The following CFAP70 variants were observed in gnomAD, a reference collection of about 807,000 sequenced individuals.
CFAP70 encodes the protein cilia- and flagella-associated protein 70.
A neutral mutation model predicts 137.6 loss-of-function variants in CFAP70; 81 were observed. The ratio of observed to expected loss-of-function variants is 0.59; its 90% CI spans 0.49 to 0.71. The LOEUF is 0.71. Ranked by LOEUF, CFAP70 falls within the 30% of genes least tolerant of loss-of-function variation. The pLI is 0.00. For synonymous variants in CFAP70, 382 were observed against 423.6 expected, an observed-to-expected ratio of 0.90 and a Z score of 1.20; for missense variants, 976 against 1,226.7, an observed-to-expected ratio of 0.80 and a Z score of 3.05.
intron 12 of CFAP70, among the ~76,000 whole-genome samples, chr10:73,308,325 A>T (rs1469590636): frequency 6.6e-6 from 1 of 151,828 alleles, no homozygotes; most frequent in Non-Finnish European, 1.5e-5. Context: ...AGGATCAATA[A>T]ACTTTAAAAG....
Position 73,257,986 on chromosome 10 carries a change from G to A in CFAP70, c.3028-1570C>T, listed in dbSNP as rs1419307946. 3.3e-5 allele frequency among the ~76,000 whole-genome samples: 5 copies of A among 149,800 alleles called. No homozygotes were observed. In the South Asian group the frequency reaches 8.4e-4, roughly 25 times the overall value. On this transcript the variant is annotated intron_variant, in intron 25 of 26. Coordinates refer to ENST00000310715, the Ensembl canonical transcript of CFAP70. Reference sequence around the variant, plus strand: ...CTCAGCACTGCAACCTCCACCCCCTGGGTTCAAGCGATTCTCCTGCCTCAG... The same window carrying A: ...CTCAGCACTGCAACCTCCACCCCCTAGGTTCAAGCGATTCTCCTGCCTCAG...
intron 1 of CFAP70, among the ~76,000 whole-genome samples, chr10:73,358,526 C>T (rs946422113): frequency 1.3e-5 from 2 of 152,218 alleles, no homozygotes; most frequent in Non-Finnish European, 2.9e-5. Flanking sequence ...GTGGAGGTCG[C>T]CGGGCTGGGG....
rs1227482928 is a variant in CFAP70, at chr10:73,345,108, C to T, written c.356G>A (p.Gly119Glu). Residue 119 changes from glycine (G) to glutamate (E), a missense_variant, in exon 5 of 27, where the codon GGG becomes GAG. Physicochemically the swap from Gly to Glu is moderately conservative, Grantham distance 98 (BLOSUM62 -2). Coordinates refer to ENST00000310715, the Ensembl canonical transcript of CFAP70. ...TTGCAGACCGACCATGTAGTTCTGC[C>T]CAGGACCTGTTGGAATGAAGGATTC... The T allele has an allele frequency of 6.2e-7, 1 of 1,614,014 alleles. No individual in the cohort carries two copies. Among genetic ancestry groups the T allele is most frequent in the Non-Finnish European group, 8.5e-7 (1 of 1,180,002 alleles).
intron 20 of CFAP70, among the ~76,000 whole-genome samples, chr10:73,277,711 CAA>C (rs34507972): frequency 2.2e-5 from 3 of 134,078 alleles, no homozygotes; most frequent in Non-Finnish European, 1.6e-5. Flanking sequence ...GACTCCATCT[CAA>C]AAAAAAAAAA....
intron 19 of CFAP70, among the ~76,000 whole-genome samples, chr10:73,283,602 G>A (rs925476456): frequency 6.6e-6 from 1 of 152,130 alleles, no homozygotes; most frequent in Non-Finnish European, 1.5e-5. Context: ...TGTCTCAATT[G>A]ATTTTCTTTG....
intron 6 of CFAP70, among the ~76,000 whole-genome samples, chr10:73,340,936 A>C (rs1244419543): frequency 6.6e-6 from 1 of 152,106 alleles, no homozygotes; most frequent in East Asian, 1.9e-4. Context: ...TGCACATGGG[A>C]GGGCACTTGT....
At chr10:73,359,024 G>GA (rs1310500781), upstream of CFAP70, among the ~76,000 whole-genome samples, 1 of 152,048 alleles carries the variant, frequency 6.6e-6, no homozygotes, top group Non-Finnish European at 1.5e-5. Flanking sequence ...TAATAGGAGG[G>GA]AAAAAAGCAA....
chr10:73,256,939 CTCCT>C (rs1016205028), intron 25 of CFAP70, among the ~76,000 whole-genome samples: 6 of 150,868 alleles, frequency 4.0e-5, no homozygotes, highest in African/African-American at 9.7e-5. Context: ...AAAAAAATTC[CTCCT>C]TCCTTTTGAA....
At chr10:73,347,089 TGGTATCTTCCATTTA>T in intron 4 of CFAP70, 1 of 152,318 alleles carries the variant, frequency 6.6e-6, no homozygotes. Context: ...TGGAACAGTA[TGGTATCTTCCATTTA>T]GGTATATGTA....
In CFAP70 at chr10:73,275,372, CGT is replaced by C; in HGVS notation, c.2673+72_2673+73del. 1 of 1,473,094 alleles carries C rather than the reference CGT, an allele frequency of 6.8e-7. No homozygotes were observed. Among genetic ancestry groups the C allele is most frequent in the Non-Finnish European group, 9.1e-7 (1 of 1,100,254 alleles). The allele number at this position is 1,473,094 out of a possible 1,614,324, so 91.3% of individuals were successfully genotyped here. A position where few individuals can be genotyped will look rare whatever the true frequency, so the allele number is the denominator to read the frequency against. ...CACCCTTCTGTTCACCAGAAATCTA[CGT>C]GTGATATGGCATCACCACCTTTAAA... On this transcript the variant is annotated intron_variant, in intron 22 of 26. Transcript: ENST00000310715. The surrounding 1 kb of genome is among the most constrained non-coding windows in gnomAD (Gnocchi z 4.0).
chr10:73,320,946 C>T (rs980056917), intron 9 of CFAP70, among the ~76,000 whole-genome samples: 4 of 152,070 alleles, frequency 2.6e-5, no homozygotes, highest in Admixed American at 6.5e-5. Flanking sequence ...GGATTATAGG[C>T]GTGGCCTATA....
At chr10:73,298,221 C>G (rs775015063) in intron 14 of CFAP70, among the ~76,000 whole-genome samples, 53 of 152,232 alleles carry the variant, frequency 3.5e-4, no homozygotes, top group Non-Finnish European at 6.6e-4. Flanking sequence ...ATAAAATGAG[C>G]AACACCTACT....
intron 25 of CFAP70, among the ~76,000 whole-genome samples, chr10:73,256,841 T>C (rs575664817): frequency 9.6e-4 from 136 of 141,230 alleles, no homozygotes; most frequent in Non-Finnish European, 1.5e-3. Flanking sequence ...AGGCAGAGGT[T>C]GCAGTGAGCC....
chr10:73,288,230 A>G (rs2047895505), intron 19 of CFAP70, among the ~76,000 whole-genome samples: 1 of 152,144 alleles, frequency 6.6e-6, no homozygotes, highest in Non-Finnish European at 1.5e-5. Flanking sequence ...GCACTTGACA[A>G]TACTTTTGAA....
exon 12 of CFAP70, chr10:73,310,177 G>T (rs2049789559): frequency 6.2e-7 from 1 of 1,611,294 alleles, no homozygotes; most frequent in Non-Finnish European, 8.5e-7. Context: ...AGCTCCTCTG[G>T]CATTCGCTTT....
At chr10:73,344,011 G>A (rs1405765019) in intron 5 of CFAP70, among the ~76,000 whole-genome samples, 1 of 151,182 alleles carries the variant, frequency 6.6e-6, no homozygotes, top group African/African-American at 2.4e-5. Flanking sequence ...CCAGGCTGGA[G>A]TACAATCTTG....
chr10:73,279,933 A>T (rs1189959890), intron 19 of CFAP70, among the ~76,000 whole-genome samples: 1 of 152,300 alleles, frequency 6.6e-6, no homozygotes, highest in African/African-American at 2.4e-5. Flanking sequence ...TATATGAAAA[A>T]AAAAAGAAAA....
chr10:73,304,257 T>C (rs2049194616), intron 12 of CFAP70, among the ~76,000 whole-genome samples: 1 of 152,294 alleles, frequency 6.6e-6, no homozygotes. Flanking sequence ...TTTCCCCACA[T>C]TGGCCAGGCT....
At chr10:73,312,672 A>G in intron 9 of CFAP70, 29 bp from the exon 11 acceptor site, 1 of 1,529,834 alleles carries the variant, frequency 6.5e-7, no homozygotes, top group East Asian at 2.3e-5. Context: ...AACAAAAAAA[A>G]GCAATACATG....
Sources: allele counts gnomAD v4.1 joint callset (sites outside exome capture counted in the v4.1 genomes callset), GRCh38; gene constraint gnomAD v4.1.1; non-coding constraint Gnocchi (gnomAD v3.1); transcripts MANE v1.5; gene names NCBI Gene and HGNC (gene_info 2026-07-23, HGNC 2026-07-21).